Variants in OSBPL6 observed in about 807,000 individuals in gnomAD.
OSBPL6 encodes the protein oxysterol-binding protein-related protein 6.
A neutral mutation model predicts 125.8 loss-of-function variants in OSBPL6; 49 were observed. The ratio of observed to expected loss-of-function variants is 0.39; its 90% CI spans 0.31 to 0.49. The LOEUF (loss-of-function observed/expected upper bound fraction) is 0.49. Among genes scored for constraint, OSBPL6 ranks in the 20% least tolerant of loss-of-function variants. The pLI, the probability that OSBPL6 is intolerant of heterozygous loss-of-function variation, is 0.88. For synonymous variants in OSBPL6, 394 were observed against 391.8 expected, an observed-to-expected ratio of 1.01 and a Z score of -0.07; for missense variants, 986 against 1,135.4, an observed-to-expected ratio of 0.87 and a Z score of 1.89.
intron 1 of OSBPL6, among the ~76,000 whole-genome samples, chr2:178,237,285 T>C (rs1304916669): frequency 6.6e-6 from 1 of 152,220 alleles, no homozygotes; most frequent in African/African-American, 2.4e-5. Flanking sequence ...TCTGCAGAAT[T>C]CTTGCTGCTT....
intron 1 of OSBPL6, among the ~76,000 whole-genome samples, chr2:178,218,140 T>C (rs1278161012): frequency 6.6e-6 from 1 of 152,204 alleles, no homozygotes; most frequent in Non-Finnish European, 1.5e-5. Context: ...TTAATTTCCT[T>C]TTTCTTTGAC....
chr2:178,349,245 T>C lies in OSBPL6; in HGVS notation c.1009T>C (p.Ser337Pro), dbSNP rs1361629521. The change falls in exon 12 of 25, where the codon TCA (serine) becomes CCA (proline). Residue 337 changes from serine to proline, a missense_variant. This residue lies in a region of OSBPL6 where 843 missense variants were observed against 997.3 expected (regional missense o/e 0.85). Transcript: ENST00000190611. The stretch of plus-strand genomic sequence containing the variant: ...TCAGGTTCCTTTCAGTGCTACCATG[T>C]CACCAGTTCGCTTGCATTCCTCCAA... ...QLQVPFSATMSPVRLHSSNPN... is the reference protein window; with the variant it reads ...QLQVPFSATMPPVRLHSSNPN... The C allele has an allele frequency of 2.5e-6, 4 of 1,614,198 alleles. No homozygotes were observed. Among genetic ancestry groups the C allele is most frequent in the South Asian group, 2.2e-5 (2 of 91,088 alleles).
intron 2 of OSBPL6, among the ~76,000 whole-genome samples, chr2:178,301,677 CATT>C (rs1406651141): frequency 2.0e-5 from 3 of 152,134 alleles, no homozygotes; most frequent in African/African-American, 7.2e-5. Flanking sequence ...TTTCATGCAT[CATT>C]GACTCACCTA....
intron 9 of OSBPL6, among the ~76,000 whole-genome samples, chr2:178,337,194 G>A (rs189089799): frequency 7.9e-4 from 120 of 151,940 alleles, no homozygotes; most frequent in Non-Finnish European, 5.9e-5. Flanking sequence ...TGTTTAATAC[G>A]GCTCAATTAG....
At chr2:178,357,409 A>G (rs1353234169) in intron 12 of OSBPL6, among the ~76,000 whole-genome samples, 2 of 152,226 alleles carry the variant, frequency 1.3e-5, no homozygotes, top group Non-Finnish European at 2.9e-5. Context: ...CAATCCCATC[A>G]AAAAGTGGGC....
intron 1 of OSBPL6, among the ~76,000 whole-genome samples, chr2:178,278,673 C>T (rs2154029074): frequency 6.6e-6 from 1 of 152,280 alleles, no homozygotes; most frequent in East Asian, 1.9e-4. Flanking sequence ...CCAGCACAAC[C>T]TGTTTCCATT....
intron 10 of OSBPL6, among the ~76,000 whole-genome samples, chr2:178,339,300 T>C (rs1689983748): frequency 1.3e-5 from 2 of 152,208 alleles, no homozygotes; most frequent in African/African-American, 4.8e-5. Context: ...TACATTTAAA[T>C]ACACACTAAC....
intron 1 of OSBPL6, among the ~76,000 whole-genome samples, chr2:178,244,831 A>G (rs1160234446): frequency 6.6e-6 from 1 of 152,220 alleles, no homozygotes; most frequent in East Asian, 1.9e-4. Context: ...TGTACTGTAC[A>G]GAACAGCAAA....
chr2:178,279,486 G>C (rs533362087), intron 1 of OSBPL6, among the ~76,000 whole-genome samples: 1 of 152,296 alleles, frequency 6.6e-6, no homozygotes, highest in Admixed American at 6.5e-5. Context: ...GGGAAATTTT[G>C]TTTAAATCAA....
chr2:178,241,498 C>T (rs1167189495), intron 1 of OSBPL6, among the ~76,000 whole-genome samples: 1 of 150,238 alleles, frequency 6.7e-6, no homozygotes, highest in African/African-American at 2.5e-5. Context: ...TCACTGCAAC[C>T]TCCACATCCT....
At chr2:178,235,967 G>C (rs2091038334) in intron 1 of OSBPL6, among the ~76,000 whole-genome samples, 1 of 152,122 alleles carries the variant, frequency 6.6e-6, no homozygotes, top group Non-Finnish European at 1.5e-5. Flanking sequence ...GATTCAGGAG[G>C]TACATGTGCA....
chr2:178,225,364 T>G (rs1369879735), intron 1 of OSBPL6, among the ~76,000 whole-genome samples: 1 of 152,198 alleles, frequency 6.6e-6, no homozygotes, highest in Non-Finnish European at 1.5e-5. Flanking sequence ...ATAAGAGAGA[T>G]GCAAATTTTA....
At chr2:178,215,405 A>T (rs947791197) in intron 1 of OSBPL6, among the ~76,000 whole-genome samples, 3 of 152,166 alleles carry the variant, frequency 2.0e-5, no homozygotes, top group African/African-American at 7.2e-5. Flanking sequence ...CTTTTTGTTT[A>T]TCACAGCAGA....
At chr2:178,390,160 T>C (rs558985407) in intron 21 of OSBPL6, among the ~76,000 whole-genome samples, 5 of 152,312 alleles carry the variant, frequency 3.3e-5, no homozygotes, top group South Asian at 2.1e-4. Context: ...GTAAATCAAG[T>C]CTGTAAGCTA....
intron 1 of OSBPL6, among the ~76,000 whole-genome samples, chr2:178,225,003 T>C (rs78499450): frequency 3.8e-4 from 57 of 148,530 alleles, no homozygotes; most frequent in African/African-American, 1.2e-3. Flanking sequence ...CTCTCTCTCT[T>C]TCTCTCTCTC....
intron 5 of OSBPL6, 117 bp from the exon 6 acceptor site, chr2:178,331,435 C>A: frequency 9.4e-7 from 1 of 1,065,400 alleles, no homozygotes; most frequent in South Asian, 1.3e-5. Context: ...AATCCAGATA[C>A]ATTAAAATGA....
At chr2:178,194,251 C>T (rs1223364997), upstream of OSBPL6, among the ~76,000 whole-genome samples, 2 of 152,300 alleles carry the variant, frequency 1.3e-5, no homozygotes, top group African/African-American at 4.8e-5. Flanking sequence ...CAGGGGAGAG[C>T]CCTGGCTGTG....
chr2:178,274,002 T>G (rs2154026400), intron 1 of OSBPL6, among the ~76,000 whole-genome samples: 1 of 152,272 alleles, frequency 6.6e-6, no homozygotes, highest in Non-Finnish European at 1.5e-5. Flanking sequence ...AATTTCCTAC[T>G]TAGCATTTTC....
Position 178,383,204 on chromosome 2 carries a change from A to T in OSBPL6, c.1802A>T (p.His601Leu). 2 of 1,614,162 alleles carry T rather than the reference A, an allele frequency of 1.2e-6. No homozygotes were observed. The highest frequency in any genetic ancestry group is 1.7e-6 in the Non-Finnish European group (2 of 1,180,026). The change falls in exon 17 of 25, where the codon CAC becomes CTC. Residue 601 changes from histidine to leucine, a missense_variant. Coordinates refer to ENST00000190611, the MANE Select transcript of OSBPL6 (RefSeq NM_032523.4). ...ELNEPLNTLQ[H>L]LCEEMEYSEL... ...AACGAGCCGCTCAACACCCTGCAGC[A>T]CCTCTGTGAGGAAATGGAATACAGC...
Sources: gnomAD v4.1 joint callset for allele counts (sites outside exome capture counted in the v4.1 genomes callset) on GRCh38, gnomAD v4.1.1 for gene constraint, gnomAD v4.1.1 regional missense constraint, MANE v1.5 for transcripts, NCBI Gene and HGNC (gene_info 2026-07-23, HGNC 2026-07-21) for gene names.